The following LRRC4C variants were observed in gnomAD, a reference collection of about 807,000 sequenced individuals.
LRRC4C encodes the protein leucine rich repeat containing 4C.
LRRC4C carries 5 observed loss-of-function variants against 33.6 expected under a neutral mutation model. The ratio of observed to expected loss-of-function variants is 0.15; its 90% confidence interval spans 0.08 to 0.31. The LOEUF is 0.31. Among genes scored for constraint, LRRC4C ranks in the 10% least tolerant of loss-of-function variants. LRRC4C has a pLI of 1.00. For missense variants in LRRC4C, 560 were observed against 796.7 expected, an observed-to-expected ratio of 0.70 and a Z score of 3.58; for synonymous variants, 329 against 302.0, an observed-to-expected ratio of 1.09 and a Z score of -0.93.
At chr11:40,528,156 G>GCAAA (rs1385355732) in intron 3 of LRRC4C, among the ~76,000 whole-genome samples, 1 of 151,812 alleles carries the variant, frequency 6.6e-6, no homozygotes, top group East Asian at 1.9e-4. Context: ...CGAAAGCAAA[G>GCAAA]CAAAAAAGCA....
At chr11:40,272,922 A>C (rs1451213030) in intron 4 of LRRC4C, among the ~76,000 whole-genome samples, 3 of 152,146 alleles carry the variant, frequency 2.0e-5, no homozygotes, top group African/African-American at 7.2e-5. Flanking sequence ...TTTTAAAGCC[A>C]TGTGTCAATA....
At chr11:41,279,375 CACACAA>C (rs1355199664) in intron 1 of LRRC4C, among the ~76,000 whole-genome samples, 20 of 115,658 alleles carry the variant, frequency 1.7e-4, no homozygotes, top group African/African-American at 6.9e-4. Context: ...CACATACACA[CACACAA>C]ACACACACAC....
rs58139193 is a variant in LRRC4C at position 41,279,428 on chromosome 11, A to ACACCCACCCC, written c.-496+180002_-496+180003insGGGGTGGGTG. Among the ~76,000 whole-genome samples the ACACCCACCCC allele has an allele frequency of 1.4e-5, 2 of 140,788 alleles. 1 individual carries two copies. The highest frequency in any genetic ancestry group is 1.4e-4 in the Admixed American group (2 of 13,934). The allele number at this position is 140,788 out of a possible 152,430, so 92.4% of individuals were successfully genotyped here. A position where few individuals can be genotyped will look rare whatever the true frequency, so the allele number is the denominator to read the frequency against. On this transcript the variant is annotated intron_variant, in intron 1 of 6. Coordinates refer to ENST00000528697, the MANE Select transcript of LRRC4C (RefSeq NM_001258419.2). Reference sequence around the variant, plus strand: ...CACACACACACACACACACACACACACCGTGGCAATCACTGCCTGCAATGG... The same window carrying ACACCCACCCC: ...CACACACACACACACACACACACACACACCCACCCCCCGTGGCAATCACTGCCTGCAATGG...
intron 3 of LRRC4C, among the ~76,000 whole-genome samples, chr11:40,599,266 C>T (rs1027491180): frequency 6.6e-5 from 10 of 151,478 alleles, no homozygotes; most frequent in African/African-American, 2.4e-4. Context: ...CCAGGCAACA[C>T]AGTGAGACCT....
At chr11:40,331,966 G>T (rs976050523) in intron 3 of LRRC4C, among the ~76,000 whole-genome samples, 3 of 152,134 alleles carry the variant, frequency 2.0e-5, no homozygotes, top group African/African-American at 7.2e-5. Flanking sequence ...CTTCTCTAGA[G>T]AACCCTAGTG....
At chr11:40,871,234 G>A (rs1210697000) in intron 2 of LRRC4C, among the ~76,000 whole-genome samples, 2 of 151,974 alleles carry the variant, frequency 1.3e-5, no homozygotes, top group East Asian at 1.9e-4. Context: ...CTGTGATCTC[G>A]CCCTGCCTCC....
At chr11:40,422,199 A>C (rs573194391) in intron 3 of LRRC4C, among the ~76,000 whole-genome samples, 2 of 152,328 alleles carry the variant, frequency 1.3e-5, no homozygotes, top group South Asian at 4.1e-4. Flanking sequence ...CACCGTAATA[A>C]CCATCACAAG....
intron 2 of LRRC4C, among the ~76,000 whole-genome samples, chr11:40,814,151 G>C (rs1321408775): frequency 2.0e-5 from 3 of 152,204 alleles, no homozygotes; most frequent in Non-Finnish European, 4.4e-5. Context: ...CCTATCAGAG[G>C]TTCTCTATGA....
intron 1 of LRRC4C, among the ~76,000 whole-genome samples, chr11:41,393,685 A>C (rs1244479654): frequency 6.6e-6 from 1 of 151,956 alleles, no homozygotes; most frequent in African/African-American, 2.4e-5. Flanking sequence ...AGAGGCAATG[A>C]AACTTGAAGG....
chr11:41,329,848 G>A (rs970503625), intron 1 of LRRC4C, among the ~76,000 whole-genome samples: 1 of 152,190 alleles, frequency 6.6e-6, no homozygotes, highest in African/African-American at 2.4e-5. Context: ...AATTCCACAT[G>A]AGGAGGAATT....
chr11:40,564,366 G>A (rs558035963), intron 3 of LRRC4C, among the ~76,000 whole-genome samples: 1 of 152,164 alleles, frequency 6.6e-6, no homozygotes, highest in Non-Finnish European at 1.5e-5. Flanking sequence ...TCTAGAAGAT[G>A]CCCTAGAAGA....
chr11:40,709,910 CT>C (rs931327651), intron 2 of LRRC4C, among the ~76,000 whole-genome samples: 2 of 151,902 alleles, frequency 1.3e-5, no homozygotes, highest in Non-Finnish European at 2.9e-5. Context: ...TTTCTCTAAA[CT>C]TCTTTTCTCA....
chr11:40,823,452 A>G (rs1952028789), intron 2 of LRRC4C, among the ~76,000 whole-genome samples: 2 of 151,780 alleles, frequency 1.3e-5, no homozygotes, highest in Non-Finnish European at 2.9e-5. Flanking sequence ...ATAAAAAGGG[A>G]AGCAACATAC....
intron 1 of LRRC4C, among the ~76,000 whole-genome samples, chr11:40,981,872 T>C (rs1852567921): frequency 6.6e-6 from 1 of 152,196 alleles, no homozygotes; most frequent in Non-Finnish European, 1.5e-5. Context: ...AATCTTTATC[T>C]CAATACAAGT....
chr11:40,184,947 G>A (rs886400327), intron 5 of LRRC4C, among the ~76,000 whole-genome samples: 2 of 152,178 alleles, frequency 1.3e-5, no homozygotes, highest in Non-Finnish European at 2.9e-5. Flanking sequence ...AGGAGAGATT[G>A]TTTCACACGA....
At chr11:41,234,893 A>G (rs1947950976) in intron 1 of LRRC4C, among the ~76,000 whole-genome samples, 1 of 152,032 alleles carries the variant, frequency 6.6e-6, no homozygotes, top group Non-Finnish European at 1.5e-5. Context: ...TAACACCAGA[A>G]GCATGGTTTT....
chr11:40,423,061 A>T (rs1195466157), intron 3 of LRRC4C, among the ~76,000 whole-genome samples: 1 of 152,150 alleles, frequency 6.6e-6, no homozygotes, highest in Non-Finnish European at 1.5e-5. Context: ...AGTGATATAT[A>T]ACAGTATGAG....
At chr11:40,780,310 C>T (rs1386159190) in intron 2 of LRRC4C, among the ~76,000 whole-genome samples, 3 of 152,214 alleles carry the variant, frequency 2.0e-5, no homozygotes, top group East Asian at 1.9e-4. Flanking sequence ...CTGCAGACTT[C>T]ATTGTGGACC....
intron 1 of LRRC4C, among the ~76,000 whole-genome samples, chr11:41,017,106 G>A (rs915025207): frequency 1.3e-5 from 2 of 152,144 alleles, no homozygotes; most frequent in African/African-American, 4.8e-5. Flanking sequence ...CTAAGGACTT[G>A]TTTCTTTCTT....
Sources: gnomAD v4.1 joint callset for allele counts (sites outside exome capture counted in the v4.1 genomes callset) on GRCh38, gnomAD v4.1.1 for gene constraint, MANE v1.5 for transcripts, NCBI Gene and HGNC (gene_info 2026-07-23, HGNC 2026-07-21) for gene names.